The following SARDH variants were observed in gnomAD, a reference collection of about 807,000 sequenced individuals.
SARDH encodes sarcosine dehydrogenase.
A neutral mutation model predicts 109.1 loss-of-function variants in SARDH; 95 were observed. The observed-to-expected ratio is 0.87, with a 90% CI of 0.74 to 1.03. SARDH has a LOEUF of 1.03. Ranked by LOEUF, SARDH falls within the 50% of genes least tolerant of loss-of-function variation. The pLI is 0.00. For synonymous variants in SARDH, 572 were observed against 534.8 expected (o/e 1.07, Z -0.96); for missense variants, 1,267 against 1,287.8 (o/e 0.98, Z 0.25).
chr9:133,708,517 G>T, intron 10 of SARDH, 89 bp from the exon 11 acceptor site: 4 of 1,475,142 alleles, frequency 2.7e-6, no homozygotes, highest in Non-Finnish European at 3.6e-6. Flanking sequence ...CTGGACCCCG[G>T]TCCCCTGCAC....
chr9:133,702,226 C>T (rs1831514183), intron 13 of SARDH, among the ~76,000 whole-genome samples: 1 of 152,266 alleles, frequency 6.6e-6, no homozygotes, highest in Non-Finnish European at 1.5e-5. Flanking sequence ...TCGCTCCTTC[C>T]CGGACAGCTG....
In SARDH at chr9:133,730,126, C is replaced by G. The variant is rs760282297; in HGVS notation, c.752G>C (p.Arg251Pro). ...RVWTDDFGVR[R>P]VAGVETQHGS... The stretch of plus-strand genomic sequence containing the variant: ...ATGCTGAGTCTCCACACCCGCGACC[C>G]GCCGCACCCCAAAATCATCCGTCCA... The change falls in exon 5 of 21, where the codon CGG becomes CCG. Residue 251 changes from arginine to proline, a missense_variant. Coordinates refer to ENST00000439388, the MANE Select transcript of SARDH (RefSeq NM_001134707.2). 1 of 1,614,216 alleles carries G rather than the reference C, an allele frequency of 6.2e-7. No homozygotes were observed. Among genetic ancestry groups the G allele is most frequent in the East Asian group, 2.2e-5 (1 of 44,884 alleles).
At chr9:133,702,709 C>T (rs112480855) in intron 13 of SARDH, among the ~76,000 whole-genome samples, 889 of 81,572 alleles carry the variant, frequency 0.011, 10 homozygotes, top group African/African-American at 0.025. Flanking sequence ...TGGCTGCTGG[C>T]AAAATCTCGG....
intron 17 of SARDH, among the ~76,000 whole-genome samples, chr9:133,684,399 G>C (rs1191247306): frequency 6.6e-6 from 1 of 152,254 alleles, no homozygotes; most frequent in Non-Finnish European, 1.5e-5. Context: ...GATGTTCTCG[G>C]AACAGTGTCT....
chr9:133,676,996 G>GGCTGTGGTGAT (rs1830535898), intron 17 of SARDH, among the ~76,000 whole-genome samples: 1 of 152,140 alleles, frequency 6.6e-6, no homozygotes, highest in Non-Finnish European at 1.5e-5. Context: ...AAAATTAGCT[G>GGCTGTGGTGAT]GCTGTGGTGA....
At position 133,713,941 on chromosome 9, in the gene SARDH, G is replaced by A. The variant is rs1053341122; in HGVS notation, c.1151-817C>T. Among the ~76,000 whole-genome samples the A allele has an allele frequency of 5.3e-5, 8 of 152,240 alleles. 2 individuals carry two copies. The highest frequency in any genetic ancestry group is 1.3e-4 in the Admixed American group (2 of 15,286). ...CTGAGCAGGACATGTCCCAGCCCTC[G>A]AGGAGCTGACGGAGGGAGGGAGCAA... On this transcript the variant is annotated intron_variant, in intron 8 of 20. Transcript: ENST00000439388.
At chr9:133,662,936 T>G (rs1272677389), downstream of SARDH, among the ~76,000 whole-genome samples, 1 of 152,144 alleles carries the variant, frequency 6.6e-6, no homozygotes, top group African/African-American at 2.4e-5. The surrounding 1 kb of genome is among the most constrained non-coding windows in gnomAD (Gnocchi z 5.1). Context: ...GAGCTGCTTC[T>G]GACACACAGG....
At chr9:133,736,852 G>A (rs1328640551) in intron 1 of SARDH, among the ~76,000 whole-genome samples, 1 of 152,240 alleles carries the variant, frequency 6.6e-6, no homozygotes, top group African/African-American at 2.4e-5. Flanking sequence ...GATGTGAAGT[G>A]CTGTGCCACC....
chr9:133,720,310 C>T (rs1289618225), intron 6 of SARDH, among the ~76,000 whole-genome samples: 1 of 152,116 alleles, frequency 6.6e-6, no homozygotes, highest in African/African-American at 2.4e-5. Context: ...CAGCTGTAAT[C>T]CCAGCTACTC....
At chr9:133,710,599 C>T (rs1447116727) in intron 10 of SARDH, among the ~76,000 whole-genome samples, 1 of 152,224 alleles carries the variant, frequency 6.6e-6, no homozygotes, top group African/African-American at 2.4e-5. Flanking sequence ...TCCGTTCTGG[C>T]GCCGACGCTC....
At position 133,671,635 on chromosome 9, in the gene SARDH, C is replaced by A; in HGVS notation, c.2226G>T (p.Ala742=). ...ELGWELHIPK[A]SCVPVYRAVM... ...CAGCCCGGTACACAGGCACGCAGGACGCCTTTGGAATGTGCAGCTCCCAGC... is the reference window on the plus strand; with the variant it reads ...CAGCCCGGTACACAGGCACGCAGGAAGCCTTTGGAATGTGCAGCTCCCAGC... The change falls in exon 18 of 21, where the codon GCG becomes GCT. Residue 742 remains alanine, a synonymous_variant. Transcript: ENST00000439388. The A allele has an allele frequency of 6.3e-7, 1 of 1,598,606 alleles. No homozygotes were observed. The highest frequency in any genetic ancestry group is 8.5e-7 in the Non-Finnish European group (1 of 1,173,164).
chr9:133,708,472 G>A (rs201834093), intron 10 of SARDH, 44 bp from the exon 11 acceptor site: 331 of 1,574,508 alleles, frequency 2.1e-4, no homozygotes, highest in Admixed American at 4.3e-4. Flanking sequence ...GGGATGGCCC[G>A]TCAGGGAAGG....
At chr9:133,727,132 G>A (rs934795695) in intron 6 of SARDH, among the ~76,000 whole-genome samples, 4 of 152,142 alleles carry the variant, frequency 2.6e-5, no homozygotes, top group South Asian at 2.1e-4. Context: ...CCCTAACAGC[G>A]CCCGAGCCAC....
chr9:133,671,272 C>A (rs1420228410), intron 18 of SARDH, among the ~76,000 whole-genome samples: 1 of 152,114 alleles, frequency 6.6e-6, no homozygotes, highest in Non-Finnish European at 1.5e-5. Context: ...CACCTCAGCT[C>A]TCTGAGTTCA....
At chr9:133,706,892 G>A (rs1036683647) in intron 11 of SARDH, among the ~76,000 whole-genome samples, 3 of 152,092 alleles carry the variant, frequency 2.0e-5, no homozygotes, top group Non-Finnish European at 4.4e-5. Context: ...GAGGAGGCAC[G>A]CCCAAGGCCA....
chr9:133,719,268 C>T (rs1323281442), intron 6 of SARDH, among the ~76,000 whole-genome samples: 2 of 151,994 alleles, frequency 1.3e-5, no homozygotes, highest in Admixed American at 1.3e-4. Flanking sequence ...AAAATAACAG[C>T]AAAAGGGGAA....
chr9:133,728,538 C>T lies in SARDH; in HGVS notation c.915+1227G>A, dbSNP rs2131497420. Reference sequence around the variant, plus strand: ...CACCCTCAAGAGCCTCACCTAGATGCAGCTGCCTCCTCCAGGGAGCCTCCC... The same window carrying T: ...CACCCTCAAGAGCCTCACCTAGATGTAGCTGCCTCCTCCAGGGAGCCTCCC... On this transcript the variant is annotated intron_variant, in intron 6 of 20. Coordinates refer to ENST00000439388, the MANE Select transcript of SARDH (RefSeq NM_001134707.2). This position sits in a 1 kb window ranked among gnomAD's most constrained non-coding sequence, Gnocchi z 5.0. Among the ~76,000 whole-genome samples, 1 of 152,330 alleles carries T rather than the reference C, an allele frequency of 6.6e-6. No individual in the cohort carries two copies. The highest frequency in any genetic ancestry group is 2.1e-4 in the South Asian group (1 of 4,820).
rs1455672706 is a variant in SARDH, at chr9:133,663,877, T to A, written c.*12A>T. On this transcript the variant is annotated 3_prime_UTR_variant, in exon 21 of 21. Transcript: ENST00000439388. ...GATGGACAGCATGGGATGGGGCATG[T>A]GGTCTGAGCCCTCAGTAGATTCCCT... 6.2e-7 allele frequency: 1 copy of A among 1,613,878 alleles called. No homozygotes were observed. Among genetic ancestry groups the A allele is most frequent in the African/African-American group, 1.3e-5 (1 of 75,042 alleles).
At chr9:133,721,774 C>T (rs185200492) in intron 6 of SARDH, among the ~76,000 whole-genome samples, 14 of 152,250 alleles carry the variant, frequency 9.2e-5, no homozygotes, top group African/African-American at 3.1e-4. Context: ...CAAATACCCC[C>T]AACAAAACAA....
Sources: allele counts gnomAD v4.1 joint callset (sites outside exome capture counted in the v4.1 genomes callset), GRCh38; gene constraint gnomAD v4.1.1; non-coding constraint Gnocchi (gnomAD v3.1); transcripts MANE v1.5; gene names NCBI Gene and HGNC (gene_info 2026-07-23, HGNC 2026-07-21).